The following PPRC1 variants were observed in gnomAD, a reference collection of about 807,000 sequenced individuals.
The protein encoded by PPRC1 is PPARG related coactivator 1, also known as peroxisome proliferator-activated receptor gamma coactivator-related protein 1.
In PPRC1, 23 loss-of-function variants were observed where a neutral mutation model predicts 132.5. The ratio of observed to expected loss-of-function variants is 0.17; its 90% confidence interval spans 0.12 to 0.25. PPRC1 has a LOEUF of 0.25. PPRC1 is among the 10% of genes least tolerant of loss of function. PPRC1 has a pLI of 1.00. For synonymous variants in PPRC1, 872 were observed against 833.5 expected (o/e 1.05, Z -0.80); for missense variants, 2,006 against 2,089.1 (o/e 0.96, Z 0.78).
In PPRC1 at chr10:102,139,935, C is replaced by T. The variant is rs750791839; in HGVS notation, c.1427C>T (p.Ala476Val). 3.7e-6 allele frequency: 6 copies of T among 1,614,112 alleles called. No homozygotes were observed. The highest frequency in any genetic ancestry group is 1.3e-5 in the African/African-American group (1 of 74,930). ...EQPAACVEGY[A>V]RRLRSSSRGQ... ...CCAGCAGCCTGTGTGGAAGGCTATGCCAGGAGGCTGAGGTCATCTTCTCGC... is the reference window on the plus strand; with the variant it reads ...CCAGCAGCCTGTGTGGAAGGCTATGTCAGGAGGCTGAGGTCATCTTCTCGC... The change falls in exon 5 of 14, where the codon GCC becomes GTC. Residue 476 changes from alanine (A) to valine (V), a missense_variant. Around this residue, in one of 2 missense-constraint regions of PPRC1, gnomAD observed 1,914 missense variants for 1,917.2 expected, o/e 1.00. Coordinates refer to ENST00000278070, the MANE Select transcript of PPRC1 (RefSeq NM_015062.5).
chr10:102,142,072 AC>A (rs1201310257), intron 5 of PPRC1, 68 bp downstream of exon 5: 22 of 1,491,138 alleles, frequency 1.5e-5, no homozygotes, highest in Non-Finnish European at 1.8e-5. Flanking sequence ...AGGATAAGCC[AC>A]CCTGATGAGG....
rs760379241 is a variant in PPRC1 at position 102,146,804 on chromosome 10, C to T, written c.3812C>T (p.Ala1271Val). Reference protein sequence around the residue: ...GTLKPEGVTEAKHPAAVRLQE... With the variant: ...GTLKPEGVTEVKHPAAVRLQE... ...CTGAAGCCTGAAGGAGTTACGGAGG[C>T]CAAACATCCAGCTGCAGTTCGCCTC... The change falls in exon 9 of 14, where the codon GCC (alanine) becomes GTC (valine). Residue 1271 changes from alanine to valine, a missense_variant. Around this residue, in one of 2 missense-constraint regions of PPRC1, gnomAD observed 1,914 missense variants for 1,917.2 expected, o/e 1.00. Transcript: ENST00000278070. 3.7e-6 allele frequency: 6 copies of T among 1,613,942 alleles called. No homozygotes were observed. The South Asian group carries it at 6.6e-5, about 18-fold the overall frequency.
chr10:102,139,130 G>A lies in PPRC1; in HGVS notation c.622G>A (p.Asp208Asn). The change falls in exon 5 of 14, where the codon GAC (aspartate) becomes AAC (asparagine). Residue 208 changes from aspartate (D) to asparagine (N), a missense_variant. Asp to Asn is a conservative substitution (Grantham distance 23). Around this residue, in one of 2 missense-constraint regions of PPRC1, gnomAD observed 1,914 missense variants for 1,917.2 expected, o/e 1.00. Transcript: ENST00000278070. ...AATGTCTCTTCCAGATCCCTCTTGG[G>A]ACTTCTCCCCACCCTCTTTCTTAGA... Reference protein sequence around the residue: ...VEMSLPDPSWDFSPPSFLETS... With the variant: ...VEMSLPDPSWNFSPPSFLETS... The A allele has an allele frequency of 6.2e-7, 1 of 1,611,176 alleles. No homozygotes were observed. Among genetic ancestry groups the A allele is most frequent in the Non-Finnish European group, 8.5e-7 (1 of 1,178,346 alleles).
At chr10:102,127,458 G>A in the PPRC1 span, among the ~76,000 whole-genome samples, 4 of 152,188 alleles carry the variant, frequency 2.6e-5, no homozygotes, top group Non-Finnish European at 5.9e-5. Flanking sequence ...CTCAGCTGGA[G>A]TACAGTTGCA....
intron 8 of PPRC1, 71 bp downstream of exon 8, chr10:102,145,161 C>A: frequency 7.0e-7 from 1 of 1,420,478 alleles, no homozygotes; most frequent in Non-Finnish European, 9.9e-7. Context: ...TACTCCAAAT[C>A]CATTGTGTGT....
In PPRC1 at chr10:102,138,702, C is replaced by A; in HGVS notation, c.426C>A (p.Asn142Lys). The A allele has an allele frequency of 6.2e-7, 1 of 1,614,214 alleles. No homozygotes were observed. The highest frequency in any genetic ancestry group is 8.5e-7 in the Non-Finnish European group (1 of 1,180,040). The change falls in exon 3 of 14, where the codon AAC becomes AAA. Residue 142 changes from asparagine to lysine, a missense_variant. Transcript: ENST00000278070. Reference sequence around the variant, plus strand: ...TCTTGGACAATGCAGATTCTGAGAACCTTTCTCCATTTGACAGCATTCCTG... The same window carrying A: ...TCTTGGACAATGCAGATTCTGAGAAACTTTCTCCATTTGACAGCATTCCTG... ...TEILDNADSENLSPFDSIPDS... is the reference protein window; with the variant it reads ...TEILDNADSEKLSPFDSIPDS...
In PPRC1 at chr10:102,146,749, TCTC is replaced by T. The variant is rs779929153; in HGVS notation, c.3760_3762del (p.Pro1254del). On this transcript the variant is annotated inframe_deletion, in exon 9 of 14. Transcript: ENST00000278070. ...TGTCTCACTGCTGGCCAAAGCCAAA[TCTC>T]CTAAGTCCACCGCCCAGGAGGGAAC... is the stretch of plus-strand genomic sequence containing the variant. The T allele has an allele frequency of 3.6e-5, 58 of 1,613,554 alleles. No individual in the cohort carries two copies. Among genetic ancestry groups the T allele is most frequent in the Non-Finnish European group, 4.6e-5 (54 of 1,179,946 alleles).
In PPRC1 at chr10:102,147,275, G is replaced by T; in HGVS notation, c.4283G>T (p.Arg1428Leu). The change falls in exon 9 of 14, where the codon CGT (arginine) becomes CTT (leucine). Residue 1428 changes from arginine to leucine, a missense_variant. Physicochemically the swap from Arg to Leu is moderately radical, Grantham distance 102 (BLOSUM62 -2). This residue lies in a region of PPRC1 where 1,914 missense variants were observed against 1,917.2 expected (regional missense o/e 1.00). Coordinates refer to ENST00000278070, the MANE Select transcript of PPRC1 (RefSeq NM_015062.5). The stretch of plus-strand genomic sequence containing the variant: ...CAGGGCCGCCGAGGCCGCAACAGCC[G>T]TTCTGTCAGCTCTGGGTCCAACCGG... Reference protein sequence around the residue: ...GWQGRRGRNSRSVSSGSNRTS... With the variant: ...GWQGRRGRNSLSVSSGSNRTS... 1.9e-6 allele frequency: 3 copies of T among 1,612,954 alleles called. No homozygotes were observed. Among genetic ancestry groups the T allele is most frequent in the Non-Finnish European group, 8.5e-7 (1 of 1,180,038 alleles).
chr10:102,150,136 A>G lies in PPRC1; in HGVS notation c.*107A>G. The G allele has an allele frequency of 1.3e-6, 1 of 743,346 alleles. No individual in the cohort carries two copies. Among genetic ancestry groups the G allele is most frequent in the Non-Finnish European group, 2.2e-6 (1 of 446,080 alleles). 46.0% of individuals were successfully genotyped at this position (743,346 alleles called of 1,614,324 possible). ...GAGCTGCTAGTGAGATGACTGTTTTATAAAGAAATGGAAAAAAGTGAAATA... is the reference window on the plus strand; with the variant it reads ...GAGCTGCTAGTGAGATGACTGTTTTGTAAAGAAATGGAAAAAAGTGAAATA... On this transcript the variant is annotated 3_prime_UTR_variant, in exon 14 of 14. Coordinates refer to ENST00000278070, the MANE Select transcript of PPRC1 (RefSeq NM_015062.5).
Position 102,140,957 on chromosome 10 carries a change from A to T in PPRC1, c.2449A>T (p.Ile817Phe). The change falls in exon 5 of 14, where the codon ATT becomes TTT. Residue 817 changes from isoleucine (I) to phenylalanine (F), a missense_variant. Ile to Phe is a conservative substitution (Grantham distance 21, BLOSUM62 0). Around this residue, in one of 2 missense-constraint regions of PPRC1, gnomAD observed 1,914 missense variants for 1,917.2 expected, o/e 1.00. Transcript: ENST00000278070. ...LQRSPETPLE[I>F]CLVPVGPSPA... is the part of the protein sequence containing the mutation. ...GAGAAGCCCTGAAACACCCCTTGAGATTTGCCTTGTGCCTGTAGGTCCCAG... is the reference window on the plus strand; with the variant it reads ...GAGAAGCCCTGAAACACCCCTTGAGTTTTGCCTTGTGCCTGTAGGTCCCAG... 6.2e-7 allele frequency: 1 copy of T among 1,613,872 alleles called. No individual in the cohort carries two copies. The highest frequency in any genetic ancestry group is 8.5e-7 in the Non-Finnish European group (1 of 1,179,956).
Position 102,141,015 on chromosome 10 carries a change from G to A in PPRC1, c.2507G>A (p.Ser836Asn). The A allele has an allele frequency of 6.2e-7, 1 of 1,614,098 alleles. No homozygotes were observed. The highest frequency in any genetic ancestry group is 8.5e-7 in the Non-Finnish European group (1 of 1,180,028). ...TCTCCTAGTCCTGAGCCACCTGTAA[G>A]CAAACCTGTGGCCTCATCTCCCACT... ...PASPSPEPPV[S>N]KPVASSPTEQ... Residue 836 changes from serine (S) to asparagine (N), a missense_variant, in exon 5 of 14, where the codon AGC becomes AAC. Transcript: ENST00000278070.
At chr10:102,146,575 G>A in intron 8 of PPRC1, 97 bp from the exon 9 acceptor site, 1 of 1,461,428 alleles carries the variant, frequency 6.8e-7, no homozygotes. Flanking sequence ...TGTACTTTGT[G>A]AGATGAGGTG....
intron 1 of PPRC1, among the ~76,000 whole-genome samples, chr10:102,137,342 A>G (rs1452281807): frequency 3.3e-5 from 5 of 152,144 alleles, no homozygotes; most frequent in Non-Finnish European, 7.4e-5. Context: ...ATGCTGCAGA[A>G]AAGTCTGTGA....
At chr10:102,139,023 G>C in intron 4 of PPRC1, 43 bp downstream of exon 4, 1 of 1,603,424 alleles carries the variant, frequency 6.2e-7, no homozygotes, top group Non-Finnish European at 8.5e-7. Flanking sequence ...CAGGTGGGAG[G>C]AGGAGTGTGT....
In PPRC1 at chr10:102,148,641, C is replaced by T. The variant is rs776566780; in HGVS notation, c.4564C>T (p.Arg1522Cys). Residue 1522 changes from arginine to cysteine, a missense_variant, in exon 11 of 14, where the codon CGT becomes TGT. Coordinates refer to ENST00000278070, the MANE Select transcript of PPRC1 (RefSeq NM_015062.5). The surrounding 1 kb of genome is among the most constrained non-coding windows in gnomAD (Gnocchi z 4.2). The stretch of plus-strand genomic sequence containing the variant: ...CTCTTTTGTCAGGTACAGCTCTTAT[C>T]GTTCACATGACCATTACCAAAGGCA... ...SDRRRRYSSYRSHDHYQRQRV... is the reference protein window; with the variant it reads ...SDRRRRYSSYCSHDHYQRQRV... 4.3e-6 allele frequency: 7 copies of T among 1,614,168 alleles called. No individual in the cohort carries two copies. Among genetic ancestry groups the T allele is most frequent in the South Asian group, 1.1e-5 (1 of 91,076 alleles).
At chr10:102,136,257 C>G (rs763860116) in intron 1 of PPRC1, among the ~76,000 whole-genome samples, 6 of 152,048 alleles carry the variant, frequency 3.9e-5, no homozygotes, top group Non-Finnish European at 7.4e-5. Context: ...CCTTAACCAG[C>G]CTTTCCTTTT....
At chr10:102,122,093 T>C in the PPRC1 span, among the ~76,000 whole-genome samples, 1 of 151,468 alleles carries the variant, frequency 6.6e-6, no homozygotes, top group African/African-American at 2.4e-5. Flanking sequence ...GGTTTCCCCA[T>C]CTCCACCCCC....
rs2069447699 is a variant in PPRC1, at chr10:102,150,153, A to G, written c.*124A>G. ...ACTGTTTTATAAAGAAATGGAAAAA[A>G]GTGAAATAAAAAATATGTTGAATCA... On this transcript the variant is annotated 3_prime_UTR_variant, in exon 14 of 14. Transcript: ENST00000278070. The G allele has an allele frequency of 4.4e-6, 3 of 681,162 alleles. No individual in the cohort carries two copies. Among genetic ancestry groups the G allele is most frequent in the Non-Finnish European group, 7.5e-6 (3 of 399,324 alleles). The allele number at this position is 681,162 out of a possible 1,614,324, so 42.2% of individuals were successfully genotyped here.
chr10:102,143,404 G>T (rs1158186818), intron 6 of PPRC1, among the ~76,000 whole-genome samples: 1 of 152,080 alleles, frequency 6.6e-6, no homozygotes, highest in Non-Finnish European at 1.5e-5. Flanking sequence ...TTTGAGACCA[G>T]CCTGGCCAAC....
Sources: allele counts gnomAD v4.1 joint callset (sites outside exome capture counted in the v4.1 genomes callset), GRCh38; gene constraint gnomAD v4.1.1; regional missense constraint gnomAD v4.1.1; non-coding constraint Gnocchi (gnomAD v3.1); transcripts MANE v1.5; gene names NCBI Gene and HGNC (gene_info 2026-07-23, HGNC 2026-07-21).